CRB1: variants seen among roughly 807,000 people sequenced by gnomAD.
The protein encoded by CRB1 is crumbs cell polarity complex component 1.
Under a neutral mutation model 120.0 loss-of-function variants are expected in CRB1, and 83 were observed. That is an observed-to-expected ratio of 0.69 (90% CI 0.58 to 0.83). CRB1 has a LOEUF of 0.83. Ranked by LOEUF, CRB1 falls within the 40% of genes least tolerant of loss-of-function variation. The pLI is 0.00. For synonymous variants in CRB1, 625 were observed against 612.5 expected, an observed-to-expected ratio of 1.02 and a Z score of -0.30; for missense variants, 1,699 against 1,687.6, an observed-to-expected ratio of 1.01 and a Z score of -0.12.
intron 1 of CRB1, among the ~76,000 whole-genome samples, chr1:197,315,649 AGT>A (rs777015712): frequency 4.1e-4 from 62 of 152,374 alleles, no homozygotes; most frequent in Non-Finnish European, 7.5e-4. Context: ...GAAGCAAAGT[AGT>A]GTTTGCATCA....
intron 1 of CRB1, among the ~76,000 whole-genome samples, chr1:197,288,462 G>A (rs949035570): frequency 6.6e-6 from 1 of 151,814 alleles, no homozygotes; most frequent in African/African-American, 2.4e-5. Context: ...GCAGAACACA[G>A]CTCAAGAAGG....
chr1:197,456,216 C>T (rs577448248), intron 11 of CRB1, among the ~76,000 whole-genome samples: 22 of 152,120 alleles, frequency 1.4e-4, no homozygotes, highest in African/African-American at 5.1e-4. Context: ...CTAGTTGATA[C>T]CTAGAACTCA....
At chr1:197,291,124 G>A (rs1447284366) in intron 1 of CRB1, among the ~76,000 whole-genome samples, 1 of 151,666 alleles carries the variant, frequency 6.6e-6, no homozygotes. Flanking sequence ...TCAAGAGCTA[G>A]GATGATGACA....
intron 1 of CRB1, among the ~76,000 whole-genome samples, chr1:197,304,766 G>A (rs1297177699): frequency 1.3e-5 from 2 of 152,160 alleles, no homozygotes; most frequent in Non-Finnish European, 1.5e-5. Flanking sequence ...GCATTCCATT[G>A]TCCACTCTCC....
chr1:197,406,233 AAAAATTCT>A (rs1398165113), intron 5 of CRB1, among the ~76,000 whole-genome samples: 1 of 152,236 alleles, frequency 6.6e-6, no homozygotes, highest in Non-Finnish European at 1.5e-5. Context: ...CTGTACTAAG[AAAAATTCT>A]TCTGCCTTGG....
the CRB1 span, among the ~76,000 whole-genome samples, chr1:197,225,983 C>T: frequency 2.0e-5 from 3 of 152,238 alleles, no homozygotes; most frequent in South Asian, 4.1e-4. Flanking sequence ...CTTACTGCAA[C>T]CCTGCCTCCT....
chr1:197,478,076 C>A lies in CRB1; in HGVS notation c.*197C>A. On this transcript the variant is annotated 3_prime_UTR_variant, in exon 12 of 12. Transcript: ENST00000367400. ...CATTGTTTTATTATATTATATCAGCCAATTGCAAAAAAAGTCTGTGCCAGT... is the reference window on the plus strand; with the variant it reads ...CATTGTTTTATTATATTATATCAGCAAATTGCAAAAAAAGTCTGTGCCAGT... 2 of 611,870 alleles carry A rather than the reference C, an allele frequency of 3.3e-6. No individual in the cohort carries two copies. The highest frequency in any genetic ancestry group is 4.2e-4 in the Middle Eastern group (1 of 2,360). 37.9% of individuals were successfully genotyped at this position (611,870 alleles called of 1,614,324 possible). A position where few individuals can be genotyped will look rare whatever the true frequency, so the allele number is the denominator to read the frequency against.
At chr1:197,262,399 A>T in the CRB1 span, among the ~76,000 whole-genome samples, 1 of 152,128 alleles carries the variant, frequency 6.6e-6, no homozygotes, top group Non-Finnish European at 1.5e-5. Flanking sequence ...CACCTAATTT[A>T]TTCTTGAAAA....
the CRB1 span, among the ~76,000 whole-genome samples, chr1:197,227,976 A>G: frequency 6.6e-6 from 1 of 152,198 alleles, no homozygotes; most frequent in African/African-American, 2.4e-5. Flanking sequence ...CTCTGAAACC[A>G]TGGGCTGAGC....
At chr1:197,306,773 C>T (rs1188028117) in intron 1 of CRB1, among the ~76,000 whole-genome samples, 1 of 152,182 alleles carries the variant, frequency 6.6e-6, no homozygotes, top group African/African-American at 2.4e-5. Context: ...AGAGAGGGGT[C>T]TCTGTCTGTG....
chr1:197,217,530 G>A, the CRB1 span, among the ~76,000 whole-genome samples: 2 of 152,164 alleles, frequency 1.3e-5, no homozygotes, highest in African/African-American at 4.8e-5. Context: ...CAACATTGAT[G>A]AACCTTGGAA....
chr1:197,314,023 A>C (rs1657701453), intron 1 of CRB1, among the ~76,000 whole-genome samples: 1 of 152,214 alleles, frequency 6.6e-6, no homozygotes, highest in African/African-American at 2.4e-5. Context: ...ATTTGCTAAA[A>C]ACCTGACTAA....
rs116859964 is a variant in CRB1 at position 197,323,730 on chromosome 1, A to G, written c.71-4692A>G. ...AGGGCAGGGCATCTTCTATGAGGTA[A>G]ATGTGTATGATTGCAGCCTGAGGCA... is the stretch of plus-strand genomic sequence containing the variant. On this transcript the variant is annotated intron_variant, in intron 1 of 11. Coordinates refer to ENST00000367400, the MANE Select transcript of CRB1 (RefSeq NM_201253.3). 7.2e-4 allele frequency among the ~76,000 whole-genome samples: 110 copies of G among 152,186 alleles called. No individual in the cohort carries two copies. The East Asian group carries it at 0.02, about 27-fold the overall frequency.
intron 1 of CRB1, among the ~76,000 whole-genome samples, chr1:197,323,165 C>G (rs1658300952): frequency 6.6e-6 from 1 of 152,060 alleles, no homozygotes; most frequent in African/African-American, 2.4e-5. Flanking sequence ...GTGGAATGAA[C>G]TAGAGTTCGA....
chr1:197,293,258 T>A (rs1474485273), intron 1 of CRB1, among the ~76,000 whole-genome samples: 1 of 152,150 alleles, frequency 6.6e-6, no homozygotes, highest in Non-Finnish European at 1.5e-5. Flanking sequence ...AGCATTCTTA[T>A]ACACCAATAA....
chr1:197,337,196 G>A (rs140445374), intron 2 of CRB1, among the ~76,000 whole-genome samples: 1 of 152,170 alleles, frequency 6.6e-6, no homozygotes, highest in African/African-American at 2.4e-5. Flanking sequence ...TCTACCATGT[G>A]AGGACATAGA....
chr1:197,280,345 G>A (rs998242396), intron 1 of CRB1, among the ~76,000 whole-genome samples: 2 of 151,820 alleles, frequency 1.3e-5, no homozygotes, highest in African/African-American at 4.8e-5. Context: ...TTGTAAGTAG[G>A]TTCCACCTGT....
intron 11 of CRB1, among the ~76,000 whole-genome samples, chr1:197,451,013 T>C (rs1388721982): frequency 6.6e-6 from 1 of 150,550 alleles, no homozygotes; most frequent in Non-Finnish European, 1.5e-5. Flanking sequence ...GGATAGAATT[T>C]ATTGAAAGAA....
At chr1:197,243,238 T>G in the CRB1 span, among the ~76,000 whole-genome samples, 1 of 152,194 alleles carries the variant, frequency 6.6e-6, no homozygotes, top group African/African-American at 2.4e-5. Flanking sequence ...TGTTTGCTCT[T>G]GCTTCTCTAG....
Sources: allele counts gnomAD v4.1 joint callset (sites outside exome capture counted in the v4.1 genomes callset), GRCh38; gene constraint gnomAD v4.1.1; transcripts MANE v1.5; gene names NCBI Gene and HGNC (gene_info 2026-07-23, HGNC 2026-07-21).